The following DAB1 variants were observed in gnomAD, a reference collection of about 807,000 sequenced individuals.
DAB1 encodes the protein disabled homolog 1.
In DAB1, 15 loss-of-function variants were observed where a neutral mutation model predicts 64.6. The ratio of observed to expected loss-of-function variants is 0.23; its 90% confidence interval spans 0.16 to 0.36. The LOEUF is 0.36. Among genes scored for constraint, DAB1 ranks in the 10% least tolerant of loss-of-function variants. The pLI is 1.00. For missense variants in DAB1, 596 were observed against 706.7 expected, an observed-to-expected ratio of 0.84 and a Z score of 1.78; for synonymous variants, 235 against 251.9, an observed-to-expected ratio of 0.93 and a Z score of 0.64.
chr1:57,896,671 T>C (rs368613549), intron 5 of DAB1, among the ~76,000 whole-genome samples: 2 of 152,088 alleles, frequency 1.3e-5, no homozygotes, highest in Admixed American at 1.3e-4. Context: ...AGCTCTCCCA[T>C]CTTTATGACG....
intron 6 of DAB1, among the ~76,000 whole-genome samples, chr1:57,773,334 T>C (rs1203867527): frequency 7.1e-6 from 1 of 140,596 alleles, no homozygotes; most frequent in Admixed American, 7.5e-5. Context: ...CTTCTTGTTA[T>C]TGAGTTGTAT....
chr1:57,864,190 T>C (rs1469675425), intron 1 of DAB1, among the ~76,000 whole-genome samples: 1 of 152,144 alleles, frequency 6.6e-6, no homozygotes, highest in Non-Finnish European at 1.5e-5. Context: ...GCATGTGTCA[T>C]GTGGATGTTG....
intron 3 of DAB1, chr1:58,474,077 A>G: frequency 2.1e-6 from 1 of 482,280 alleles, no homozygotes. Context: ...CCTAGGAATC[A>G]CCAATAAAGC....
intron 2 of DAB1, among the ~76,000 whole-genome samples, chr1:57,160,922 A>C (rs1307735076): frequency 1.3e-5 from 2 of 152,122 alleles, no homozygotes; most frequent in South Asian, 4.2e-4. Flanking sequence ...AGTTTGAGAC[A>C]ATCCTGAAGG....
intron 3 of DAB1, among the ~76,000 whole-genome samples, chr1:58,401,681 T>C (rs1252969337): frequency 6.6e-6 from 1 of 152,236 alleles, no homozygotes; most frequent in Non-Finnish European, 1.5e-5. Context: ...GAAAACTTGA[T>C]GAAGGTTGAT....
chr1:57,166,021 G>C (rs2100904501), intron 2 of DAB1, among the ~76,000 whole-genome samples: 1 of 152,284 alleles, frequency 6.6e-6, no homozygotes, highest in East Asian at 1.9e-4. Flanking sequence ...AAGGACTCCA[G>C]AACAAATCTT....
intron 4 of DAB1, among the ~76,000 whole-genome samples, chr1:58,309,638 T>C (rs1400185177): frequency 3.9e-5 from 6 of 152,170 alleles, no homozygotes; most frequent in African/African-American, 1.4e-4. Flanking sequence ...CTTTGTTACC[T>C]TCCATCTTCT....
At chr1:57,683,441 A>G (rs569603751) in intron 6 of DAB1, among the ~76,000 whole-genome samples, 1 of 152,306 alleles carries the variant, frequency 6.6e-6, no homozygotes, top group East Asian at 1.9e-4. Context: ...AATACAAAAG[A>G]GCCATGTGGC....
chr1:57,541,113 CA>C (rs1193820153), intron 7 of DAB1, among the ~76,000 whole-genome samples: 7 of 149,216 alleles, frequency 4.7e-5, no homozygotes, highest in Non-Finnish European at 1.0e-4. Context: ...CATTATGTAT[CA>C]AAAAAAACTT....
chr1:58,363,986 C>T (rs567257557), intron 3 of DAB1, among the ~76,000 whole-genome samples: 76 of 152,270 alleles, frequency 5.0e-4, no homozygotes, highest in African/African-American at 1.8e-3. Context: ...TAGCTCTACG[C>T]CTAGAGGTAG....
chr1:58,202,885 A>G (rs976453704), intron 4 of DAB1, among the ~76,000 whole-genome samples: 1 of 152,214 alleles, frequency 6.6e-6, no homozygotes, highest in Non-Finnish European at 1.5e-5. Flanking sequence ...GATTAAACTC[A>G]GCCATTTTCA....
At chr1:58,034,392 A>C (rs990887548) in intron 5 of DAB1, among the ~76,000 whole-genome samples, 2 of 152,206 alleles carry the variant, frequency 1.3e-5, no homozygotes, top group Non-Finnish European at 2.9e-5. Context: ...TGCAGCCCTG[A>C]CTAATATTGC....
chr1:57,694,041 G>A (rs1267911153), intron 6 of DAB1, among the ~76,000 whole-genome samples: 1 of 152,166 alleles, frequency 6.6e-6, no homozygotes, highest in African/African-American at 2.4e-5. Flanking sequence ...CCAGATCAAT[G>A]TCCTGGAGAG....
chr1:57,544,868 T>G (rs1296348525), intron 7 of DAB1, among the ~76,000 whole-genome samples: 2 of 152,190 alleles, frequency 1.3e-5, no homozygotes, highest in Non-Finnish European at 2.9e-5. Context: ...GATTGTAAGT[T>G]CCCTGAGGCC....
At chr1:57,399,808 T>C (rs747916169) in intron 1 of DAB1, among the ~76,000 whole-genome samples, 40 of 152,204 alleles carry the variant, frequency 2.6e-4, no homozygotes, top group Non-Finnish European at 5.3e-4. Context: ...AAAAATCATA[T>C]GCATCAGCTC....
chr1:58,530,616 CTG>C, intron 1 of DAB1: 1 of 872,406 alleles, frequency 1.1e-6, no homozygotes, highest in Non-Finnish European at 2.0e-6. Flanking sequence ...GCAATTTAGA[CTG>C]TATCCACTGG....
intron 1 of DAB1, among the ~76,000 whole-genome samples, chr1:57,389,182 C>T (rs532107659): frequency 1.3e-5 from 2 of 152,350 alleles, no homozygotes; most frequent in East Asian, 3.9e-4. Flanking sequence ...TTCTCTCCTA[C>T]ACCCGTAAAC....
At chr1:58,008,716 T>C (rs770898584) in intron 5 of DAB1, among the ~76,000 whole-genome samples, 3 of 152,314 alleles carry the variant, frequency 2.0e-5, no homozygotes, top group African/African-American at 4.8e-5. Flanking sequence ...CTTCCACCTA[T>C]GAAAGACTTA....
At chr1:58,366,391 C>T (rs990923849) in intron 3 of DAB1, among the ~76,000 whole-genome samples, 1 of 152,210 alleles carries the variant, frequency 6.6e-6, no homozygotes, top group African/African-American at 2.4e-5. Flanking sequence ...ATACGAGAAT[C>T]TTCTGATTTT....
Sources: gnomAD v4.1 joint callset for allele counts (sites outside exome capture counted in the v4.1 genomes callset) on GRCh38, gnomAD v4.1.1 for gene constraint, MANE v1.5 for transcripts, NCBI Gene and HGNC (gene_info 2026-07-23, HGNC 2026-07-21) for gene names.